PCDHA1: variants seen among roughly 807,000 people sequenced by gnomAD.
The protein encoded by PCDHA1 is protocadherin alpha-1.
Under a neutral mutation model 61.3 loss-of-function variants are expected in PCDHA1, and 42 were observed. The ratio of observed to expected loss-of-function variants is 0.69; its 90% confidence interval spans 0.54 to 0.89. The LOEUF is 0.89. Ranked by LOEUF, PCDHA1 falls within the 40% of genes least tolerant of loss-of-function variation. PCDHA1 has a pLI of 0.00. For synonymous variants in PCDHA1, 610 were observed against 553.8 expected (o/e 1.10, Z -1.43); for missense variants, 1,256 against 1,235.3 (o/e 1.02, Z -0.25).
intron 1 of PCDHA1, chr5:140,842,066 G>A: frequency 6.2e-7 from 1 of 1,613,874 alleles, no homozygotes; most frequent in Non-Finnish European, 8.5e-7. Flanking sequence ...TGAATACGAA[G>A]TAAGAATATT....
At chr5:140,883,760 C>A in intron 1 of PCDHA1, 1 of 1,612,790 alleles carries the variant, frequency 6.2e-7, no homozygotes, top group Non-Finnish European at 8.5e-7. Flanking sequence ...GGTGGAGCGG[C>A]GGGTGGGCGA....
chr5:140,994,747 G>A (rs2097648455), intron 3 of PCDHA1, among the ~76,000 whole-genome samples: 1 of 152,152 alleles, frequency 6.6e-6, no homozygotes, highest in Non-Finnish European at 1.5e-5. Context: ...ATGGCAAGTA[G>A]GATGTGGAGA....
intron 1 of PCDHA1, chr5:140,854,326 T>G (rs1243654252): frequency 4.3e-6 from 1 of 230,654 alleles, no homozygotes; most frequent in East Asian, 1.8e-4. Context: ...AATGGCAAAC[T>G]TATTTTACGC....
At chr5:140,996,968 C>G (rs1290343779) in intron 3 of PCDHA1, among the ~76,000 whole-genome samples, 1 of 152,132 alleles carries the variant, frequency 6.6e-6, no homozygotes, top group Non-Finnish European at 1.5e-5. Context: ...CAATCCCACT[C>G]CCCTTTGGTG....
intron 1 of PCDHA1, chr5:140,803,177 C>T (rs144811750): frequency 1.9e-6 from 3 of 1,613,890 alleles, no homozygotes; most frequent in South Asian, 2.2e-5. Context: ...CCTCATTGAC[C>T]GCCACGGCCA....
intron 1 of PCDHA1, chr5:140,849,907 G>A (rs2150457051): frequency 1.3e-6 from 2 of 1,598,320 alleles, no homozygotes; most frequent in East Asian, 4.5e-5. Flanking sequence ...AACCCGCCGG[G>A]CTGCCACATC....
intron 1 of PCDHA1, chr5:140,857,591 A>C: frequency 6.3e-7 from 1 of 1,596,270 alleles, no homozygotes; most frequent in Non-Finnish European, 8.6e-7. Flanking sequence ...GGAGAGCGGC[A>C]AGGTGTACGC....
intron 1 of PCDHA1, chr5:140,823,005 C>A (rs2150121169): frequency 1.9e-6 from 3 of 1,614,228 alleles, no homozygotes; most frequent in South Asian, 1.1e-5. Flanking sequence ...TGCTGGACAG[C>A]GCCCTGGACC....
chr5:140,819,845 C>G (rs1413889296), intron 1 of PCDHA1, among the ~76,000 whole-genome samples: 1 of 151,922 alleles, frequency 6.6e-6, no homozygotes, highest in Non-Finnish European at 1.5e-5. Flanking sequence ...GACTTTTTCT[C>G]CATTGAGTAT....
Position 140,842,399 on chromosome 5 carries a change from C to T in PCDHA1, c.2394+53715C>T, listed in dbSNP as rs2150335315. The T allele has an allele frequency of 1.9e-5, 30 of 1,611,330 alleles. No individual in the cohort carries two copies. The South Asian group carries it at 3.2e-4, about 17-fold the overall frequency. Reference sequence around the variant, plus strand: ...ACTGACTTCCTTATCCTTGCCTGTACGTGAAGACGCTCAATTTGGTACTGT... The same window carrying T: ...ACTGACTTCCTTATCCTTGCCTGTATGTGAAGACGCTCAATTTGGTACTGT... On this transcript the variant is annotated intron_variant, in intron 1 of 3. Transcript: ENST00000504120.
intron 1 of PCDHA1, chr5:140,858,628 C>T (rs574787408): frequency 1.8e-6 from 2 of 1,091,216 alleles, no homozygotes; most frequent in South Asian, 3.4e-5. Context: ...CCCAGTGTGT[C>T]AGCCTTTGAT....
chr5:140,888,724 C>G (rs1437926423), intron 1 of PCDHA1, among the ~76,000 whole-genome samples: 6 of 151,938 alleles, frequency 3.9e-5, no homozygotes, highest in African/African-American at 1.5e-4. Flanking sequence ...ATTTCCAGCC[C>G]TTTGTGAGCT....
chr5:140,786,780 G>T lies in PCDHA1; in HGVS notation c.490G>T (p.Ala164Ser). ...IEGAADADIG[A>S]NALLTYTLSP... is the part of the protein sequence containing the mutation. Reference sequence around the variant, plus strand: ...AGGAGCTGCTGATGCAGACATTGGTGCTAACGCTCTTCTAACGTACACGCT... The same window carrying T: ...AGGAGCTGCTGATGCAGACATTGGTTCTAACGCTCTTCTAACGTACACGCT... The change falls in exon 1 of 4, where the codon GCT becomes TCT. Residue 164 changes from alanine to serine, a missense_variant. Ala to Ser is a moderately conservative substitution (Grantham distance 99). Coordinates refer to ENST00000504120, the MANE Select transcript of PCDHA1 (RefSeq NM_018900.4). 6.2e-7 allele frequency: 1 copy of T among 1,614,186 alleles called. No homozygotes were observed. Among genetic ancestry groups the T allele is most frequent in the Non-Finnish European group, 8.5e-7 (1 of 1,180,034 alleles).
chr5:140,808,211 GACA>G (rs782593342), intron 1 of PCDHA1: 10 of 1,614,252 alleles, frequency 6.2e-6, no homozygotes, highest in Admixed American at 1.7e-5. Flanking sequence ...GGAAGTAGAA[GACA>G]ACAACGATAA....
chr5:140,891,742 A>T (rs2063228656), intron 1 of PCDHA1, among the ~76,000 whole-genome samples: 1 of 152,150 alleles, frequency 6.6e-6, no homozygotes, highest in African/African-American at 2.4e-5. Context: ...TCAATCCCTT[A>T]TACAACAGTG....
intron 1 of PCDHA1, among the ~76,000 whole-genome samples, chr5:140,943,453 G>T (rs545980639): frequency 3.3e-4 from 50 of 152,158 alleles, no homozygotes; most frequent in Admixed American, 2.6e-4. Context: ...GAATTGATAA[G>T]GCTAAATGTG....
At position 140,971,223 on chromosome 5, in the gene PCDHA1, C is replaced by T. The variant is rs904012820; in HGVS notation, c.2395-7726C>T. The stretch of plus-strand genomic sequence containing the variant: ...GACACTGTTACCCTCCCTCTCCTGA[C>T]TCAAAGCTTGGGGCAATTTGATACA... On this transcript the variant is annotated intron_variant, in intron 1 of 3. Transcript: ENST00000504120. Among the ~76,000 whole-genome samples, 3 of 152,148 alleles carry T rather than the reference C, an allele frequency of 2.0e-5. No homozygotes were observed. The South Asian group carries it at 6.2e-4, about 31-fold the overall frequency.
intron 1 of PCDHA1, among the ~76,000 whole-genome samples, chr5:140,964,284 A>C (rs190870993): frequency 6.6e-6 from 1 of 152,362 alleles, no homozygotes; most frequent in East Asian, 1.9e-4. Context: ...AGTAAATTCT[A>C]GCTGGAGCTA....
intron 1 of PCDHA1, chr5:140,803,477 T>C (rs782416127): frequency 2.5e-6 from 4 of 1,614,096 alleles, no homozygotes; most frequent in Non-Finnish European, 3.4e-6. Context: ...GGGTGTGCTC[T>C]GGAGAGGGGT....
Sources: gnomAD v4.1 joint callset for allele counts (sites outside exome capture counted in the v4.1 genomes callset) on GRCh38, gnomAD v4.1.1 for gene constraint, MANE v1.5 for transcripts, NCBI Gene and HGNC (gene_info 2026-07-23, HGNC 2026-07-21) for gene names.